GLI3: variants seen among roughly 807,000 people sequenced by gnomAD.
GLI3 encodes GLI family zinc finger 3.
Under a neutral mutation model 100.8 loss-of-function variants are expected in GLI3, and 20 were observed. The observed-to-expected ratio is 0.20, with a 90% CI of 0.14 to 0.29. The LOEUF (loss-of-function observed/expected upper bound fraction) is 0.29. Ranked by LOEUF, GLI3 falls within the 10% of genes least tolerant of loss-of-function variation. The pLI, the probability that GLI3 is intolerant of heterozygous loss-of-function variation, is 1.00. For synonymous variants in GLI3, 938 were observed against 860.5 expected (o/e 1.09, Z -1.58); for missense variants, 2,040 against 2,128.5 (o/e 0.96, Z 0.82).
At chr7:42,245,681 AAAAAAC>A (rs375541556) in intron 1 of GLI3, among the ~76,000 whole-genome samples, 304 of 152,152 alleles carry the variant, frequency 2.0e-3, no homozygotes, top group African/African-American at 7.1e-3. Flanking sequence ...ACTCTGTCTC[AAAAAAC>A]AAAAACAAAA....
At chr7:42,143,209 C>T (rs1786615423) in intron 3 of GLI3, among the ~76,000 whole-genome samples, 1 of 152,166 alleles carries the variant, frequency 6.6e-6, no homozygotes, top group Admixed American at 6.5e-5. Context: ...TGTGACCCAA[C>T]ATCAGTCTTT....
intron 3 of GLI3, among the ~76,000 whole-genome samples, chr7:42,114,243 T>C (rs1185388994): frequency 6.6e-6 from 1 of 152,246 alleles, no homozygotes; most frequent in East Asian, 1.9e-4. Flanking sequence ...ACCCTCACTC[T>C]AAACTTACCC....
At chr7:42,051,439 CAT>C (rs775383985) in intron 4 of GLI3, among the ~76,000 whole-genome samples, 1 of 152,108 alleles carries the variant, frequency 6.6e-6, no homozygotes, top group South Asian at 2.1e-4. Flanking sequence ...CACACACACA[CAT>C]ATATACAAAT....
chr7:42,166,502 T>C (rs1391194976), intron 2 of GLI3, among the ~76,000 whole-genome samples: 1 of 151,892 alleles, frequency 6.6e-6, no homozygotes, highest in Non-Finnish European at 1.5e-5. Context: ...GGAGCATCCC[T>C]GTGGGCCTTG....
At chr7:42,138,894 G>A (rs939565991) in intron 3 of GLI3, among the ~76,000 whole-genome samples, 4 of 152,170 alleles carry the variant, frequency 2.6e-5, no homozygotes, top group African/African-American at 9.7e-5. Context: ...CACTGATTAG[G>A]CCTGCGGCTC....
chr7:41,964,322 C>G lies in GLI3; in HGVS notation c.*8G>C, dbSNP rs1345681780. 3 of 1,611,868 alleles carry G rather than the reference C, an allele frequency of 1.9e-6. No homozygotes were observed. Among genetic ancestry groups the G allele is most frequent in the Non-Finnish European group, 2.5e-6 (3 of 1,178,872 alleles). On this transcript the variant is annotated 3_prime_UTR_variant, in exon 15 of 15. Coordinates refer to ENST00000395925, the MANE Select transcript of GLI3 (RefSeq NM_000168.6). ...TTTCCGTTGGTTGCAGTCTTTTTTT[C>G]CTAAAGCCTATTGCATAACTGCAAG...
At chr7:42,086,963 G>C (rs1471998352) in intron 3 of GLI3, among the ~76,000 whole-genome samples, 1 of 152,082 alleles carries the variant, frequency 6.6e-6, no homozygotes, top group Non-Finnish European at 1.5e-5. Context: ...GGGCAGTATG[G>C]GGATGAGTCC....
intron 1 of GLI3, among the ~76,000 whole-genome samples, chr7:42,254,322 C>T (rs941175417): frequency 5.3e-5 from 8 of 151,480 alleles, no homozygotes; most frequent in Non-Finnish European, 1.2e-4. Flanking sequence ...AGCATGTGGG[C>T]GGAATGCAGG....
intron 4 of GLI3, among the ~76,000 whole-genome samples, chr7:42,065,201 AATT>A (rs944130184): frequency 4.8e-5 from 7 of 147,340 alleles, no homozygotes; most frequent in East Asian, 2.0e-4. Flanking sequence ...AATTTATTAA[AATT>A]ATTATTTTAA....
chr7:41,987,490 G>A (rs1787863803), intron 10 of GLI3, among the ~76,000 whole-genome samples: 2 of 152,096 alleles, frequency 1.3e-5, no homozygotes, highest in South Asian at 4.1e-4. Flanking sequence ...TTATGATACA[G>A]TATTTTCCAG....
At position 42,258,521 on chromosome 7, in the gene GLI3, C is replaced by T. The variant is rs183050529; in HGVS notation, c.-43+5473G>A. Among the ~76,000 whole-genome samples, 54 of 152,236 alleles carry T rather than the reference C, an allele frequency of 3.5e-4. No homozygotes were observed. In the East Asian group the frequency reaches 4.8e-3, roughly 14 times the overall value. On this transcript the variant is annotated intron_variant, in intron 1 of 2. Coordinates refer to the GLI3 transcript ENST00000678978. ...GTGTTAAAATGCCTTCTTGGTTTTC[C>T]TATACATGATTAAGATGTCACCATA...
At chr7:42,020,822 G>A (rs1306785317) in intron 10 of GLI3, among the ~76,000 whole-genome samples, 3 of 150,964 alleles carry the variant, frequency 2.0e-5, no homozygotes, top group South Asian at 4.2e-4. Flanking sequence ...CCTGGGAGGC[G>A]GAGCTTGCAG....
intron 1 of GLI3, among the ~76,000 whole-genome samples, chr7:42,257,745 T>TA (rs58253019): frequency 1.9e-4 from 28 of 150,928 alleles, no homozygotes; most frequent in Middle Eastern, 3.4e-3. Context: ...GATTGTTTTT[T>TA]AAAAAAAAAA....
At chr7:42,228,882 T>G (rs1424195881) in intron 1 of GLI3, among the ~76,000 whole-genome samples, 2 of 152,158 alleles carry the variant, frequency 1.3e-5, no homozygotes, top group Non-Finnish European at 2.9e-5. Flanking sequence ...GGAGTCCCAA[T>G]GTTCAACCTC....
chr7:42,207,161 C>T (rs1788172700), intron 2 of GLI3, among the ~76,000 whole-genome samples: 1 of 152,180 alleles, frequency 6.6e-6, no homozygotes, highest in Admixed American at 6.5e-5. Context: ...AATTCCACTC[C>T]TAGGTTTATG....
chr7:42,228,297 C>A (rs1788624809), intron 1 of GLI3, among the ~76,000 whole-genome samples: 1 of 152,134 alleles, frequency 6.6e-6, no homozygotes, highest in Admixed American at 6.5e-5. Context: ...TGCTCCCAGG[C>A]CCGGCTTTGA....
intron 2 of GLI3, among the ~76,000 whole-genome samples, chr7:42,154,092 G>GAA (rs373708182): frequency 1.8e-5 from 2 of 111,870 alleles, no homozygotes; most frequent in Non-Finnish European, 1.9e-5. Context: ...CCAGTAAAAA[G>GAA]AAAAAAAAAA....
Position 41,966,243 on chromosome 7 carries a change from G to A in GLI3, c.2830C>T (p.Pro944Ser). 2 of 1,608,360 alleles carry A rather than the reference G, an allele frequency of 1.2e-6. No homozygotes were observed. Among genetic ancestry groups the A allele is most frequent in the Non-Finnish European group, 1.7e-6 (2 of 1,179,074 alleles). The part of the protein sequence containing the change: ...AAATGGPPPT[P>S]LPNMERMSLK... ...CTCATCCTCTCCATGTTGGGCAGGG[G>A]CGTCGGCGGCGGCCCTCCTGTGGCA... Residue 944 changes from proline (P) to serine (S), a missense_variant, in exon 15 of 15, where the codon CCC (proline) becomes TCC (serine). Coordinates refer to ENST00000395925, the MANE Select transcript of GLI3 (RefSeq NM_000168.6). The surrounding 1 kb of genome is among the most constrained non-coding windows in gnomAD (Gnocchi z 5.8).
chr7:42,147,901 A>G (rs1786754025), intron 3 of GLI3, among the ~76,000 whole-genome samples: 1 of 152,102 alleles, frequency 6.6e-6, no homozygotes, highest in South Asian at 2.1e-4. Context: ...CTCCTGCAGC[A>G]TCTGTTTGGA....
Sources: gnomAD v4.1 joint callset for allele counts (sites outside exome capture counted in the v4.1 genomes callset) on GRCh38, gnomAD v4.1.1 for gene constraint, Gnocchi (gnomAD v3.1) non-coding constraint, MANE v1.5 for transcripts, NCBI Gene and HGNC (gene_info 2026-07-23, HGNC 2026-07-21) for gene names.